The following MED14 variants were observed in gnomAD, a reference collection of about 807,000 sequenced individuals.
MED14 encodes the protein mediator of RNA polymerase II transcription subunit 14.
Under a neutral mutation model 109.0 loss-of-function variants are expected in MED14, and 8 were observed. The observed-to-expected ratio is 0.07, with a 90% CI of 0.04 to 0.13. The LOEUF (loss-of-function observed/expected upper bound fraction) is 0.13. MED14 is among the 10% of genes least tolerant of loss of function. The pLI, the probability that MED14 is intolerant of heterozygous loss-of-function variation, is 1.00. For missense variants in MED14, 711 were observed against 1,142.4 expected, an observed-to-expected ratio of 0.62 and a Z score of 5.44; for synonymous variants, 399 against 408.7, an observed-to-expected ratio of 0.98 and a Z score of 0.29.
rs147136594 is a variant in MED14 at position 40,717,158 on chromosome X, A to G, written c.349-2448T>C. Among the ~76,000 whole-genome samples, 450 of 111,635 alleles carry G rather than the reference A, an allele frequency of 4.0e-3. 5 individuals are homozygous for G. Among genetic ancestry groups the G allele is most frequent in the African/African-American group, 0.014 (432 of 30,686 alleles). ...GAAGAGAAGAACTGTAACATTCCCA[A>G]CACAAAGAAAAATGTCTGAGGTAAT... On this transcript the variant is annotated intron_variant, in intron 3 of 30. Transcript: ENST00000324817.
At chrX:40,726,896 G>T in intron 2 of MED14, 45 bp from the exon 3 acceptor site, 1 of 995,197 alleles carries the variant, frequency 1.0e-6, no homozygotes, top group Non-Finnish European at 1.4e-6. Flanking sequence ...ATTAGAAACA[G>T]TATTTCACAA....
rs745476269 is a variant in MED14, at chrX:40,650,764, T to C, written c.*1042A>G. The C allele has an allele frequency of 1.5e-5, 11 of 753,746 alleles. No individual in the cohort carries two copies. Among genetic ancestry groups the C allele is most frequent in the East Asian group, 1.5e-4 (1 of 6,675 alleles). 62.1% of individuals were successfully genotyped at this position (753,746 alleles called of 1,213,427 possible). The stretch of plus-strand genomic sequence containing the variant: ...ATCGTTTTGTTGACAATGAATTAAA[T>C]TGAAATTGTTTAGAACAATCCCAAT... On this transcript the variant is annotated 3_prime_UTR_variant, in exon 31 of 31. Coordinates refer to ENST00000324817, the MANE Select transcript of MED14 (RefSeq NM_004229.4).
intron 3 of MED14, among the ~76,000 whole-genome samples, chrX:40,723,351 T>C (rs1009655963): frequency 8.9e-6 from 1 of 111,791 alleles, no homozygotes; most frequent in Admixed American, 9.5e-5. Context: ...TTTGCAAGCC[T>C]CATAGTAACC....
At chrX:40,705,809 A>G (rs1339359391) in intron 10 of MED14, among the ~76,000 whole-genome samples, 1 of 111,732 alleles carries the variant, frequency 8.9e-6, no homozygotes, top group African/African-American at 3.3e-5. Context: ...TGCCCTGATT[A>G]TAAGTGCTGA....
chrX:40,683,305 C>T (rs1324205631), intron 16 of MED14, among the ~76,000 whole-genome samples: 1 of 111,679 alleles, frequency 9.0e-6, no homozygotes, highest in Non-Finnish European at 1.9e-5. Context: ...TCTAGAACAT[C>T]CTCAAGGAAA....
At chrX:40,681,412 A>G (rs1218979886) in intron 19 of MED14, among the ~76,000 whole-genome samples, 1 of 107,663 alleles carries the variant, frequency 9.3e-6, no homozygotes, top group Non-Finnish European at 1.9e-5. Context: ...ATGAGGTGGG[A>G]AAAAAAATAA....
At chrX:40,699,967 G>C (rs1205695463) in intron 12 of MED14, among the ~76,000 whole-genome samples, 8 of 110,600 alleles carry the variant, frequency 7.2e-5, no homozygotes, top group African/African-American at 2.6e-4. Context: ...GGCAAACAAG[G>C]TGAAACTCCG....
chrX:40,678,027 G>A (rs1929971191), intron 21 of MED14, among the ~76,000 whole-genome samples: 1 of 110,970 alleles, frequency 9.0e-6, no homozygotes, highest in Non-Finnish European at 1.9e-5. Context: ...AGGCATATGT[G>A]ATTTCAAATT....
At chrX:40,686,943 GC>G (rs979463095) in intron 16 of MED14, among the ~76,000 whole-genome samples, 4 of 96,528 alleles carry the variant, frequency 4.1e-5, no homozygotes, top group African/African-American at 1.9e-4. Flanking sequence ...GCATCTTTTG[GC>G]TCCTCGTCCT....
At chrX:40,726,922 C>T in intron 2 of MED14, 71 bp from the exon 3 acceptor site, 1 of 844,832 alleles carries the variant, frequency 1.2e-6, no homozygotes, top group Non-Finnish European at 1.7e-6. Flanking sequence ...TTCAGCTAAG[C>T]AAAAATAAAT....
intron 23 of MED14, among the ~76,000 whole-genome samples, chrX:40,668,361 C>T (rs73624920): frequency 1.6e-4 from 13 of 79,774 alleles, no homozygotes; most frequent in South Asian, 7.1e-4. Flanking sequence ...CCAGCCTGTA[C>T]GACAGAGCAA....
Position 40,682,872 on chromosome X carries a change from T to C in MED14, c.2182A>G (p.Asn728Asp), listed in dbSNP as rs761462114. The change falls in exon 17 of 31, where the codon AAT (asparagine) becomes GAT (aspartate). Residue 728 changes from asparagine to aspartate, a missense_variant. Coordinates refer to ENST00000324817, the MANE Select transcript of MED14 (RefSeq NM_004229.4). ...GTAGAAGTGCCATTAAGTGGACAAT[T>C]TGCAAACACTAACTCTGCTACCCAA... ...RTWVAELVFA[N>D]CPLNGTSTRE... is the part of the protein sequence containing the mutation. The C allele has an allele frequency of 8.3e-7, 1 of 1,211,643 alleles. No individual in the cohort carries two copies. Among genetic ancestry groups the C allele is most frequent in the Non-Finnish European group, 1.1e-6 (1 of 895,322 alleles).
In MED14 at chrX:40,663,166, G is replaced by C. The variant is rs989632896; in HGVS notation, c.3449-6C>G. On this transcript the variant is annotated splice_polypyrimidine_tract_variant and splice_region_variant and intron_variant, in intron 25 of 30. Coordinates refer to ENST00000324817, the MANE Select transcript of MED14 (RefSeq NM_004229.4). ...TGTTGGCATTGTTTGAGAACCTTTTGGGAAGGAAAACATGTTATGTCATTT... is the reference window on the plus strand; with the variant it reads ...TGTTGGCATTGTTTGAGAACCTTTTCGGAAGGAAAACATGTTATGTCATTT... The C allele has an allele frequency of 9.4e-6, 11 of 1,168,868 alleles. No individual in the cohort carries two copies. In the Admixed American group the frequency reaches 2.4e-4, roughly 26 times the overall value.
At chrX:40,725,956 T>C (rs964457349) in intron 3 of MED14, among the ~76,000 whole-genome samples, 4 of 112,033 alleles carry the variant, frequency 3.6e-5, no homozygotes, top group Non-Finnish European at 7.5e-5. Flanking sequence ...CAAAAAACTA[T>C]TAGAACTGAT....
At position 40,654,922 on chromosome X, in the gene MED14, G is replaced by A; in HGVS notation, c.4098+13C>T. The A allele has an allele frequency of 8.3e-7, 1 of 1,204,258 alleles. No homozygotes were observed. The highest frequency in any genetic ancestry group is 1.1e-6 in the Non-Finnish European group (1 of 891,180). On this transcript the variant is annotated intron_variant, in intron 29 of 30. Transcript: ENST00000324817. The stretch of plus-strand genomic sequence containing the variant: ...GAAGCTCTGTACATGCACACATGCT[G>A]GGTGGTACTTACAAAAAATAGCATT...
rs1168655079 is a variant in MED14 at position 40,690,164 on chromosome X, G to A, written c.1981-1634C>T. ...TCCAAGAACACAGTCAATTACATAG[G>A]AAACATGGACACACTCCACAGTTTA... On this transcript the variant is annotated intron_variant, in intron 15 of 30. Coordinates refer to ENST00000324817, the MANE Select transcript of MED14 (RefSeq NM_004229.4). Among the ~76,000 whole-genome samples, 4 of 111,862 alleles carry A rather than the reference G, an allele frequency of 3.6e-5. No individual in the cohort carries two copies. In the East Asian group the frequency reaches 8.4e-4, roughly 24 times the overall value.
intron 21 of MED14, among the ~76,000 whole-genome samples, chrX:40,676,044 C>A (rs1343410801): frequency 8.9e-6 from 1 of 112,306 alleles, no homozygotes; most frequent in African/African-American, 3.2e-5. Flanking sequence ...CCTATAATCG[C>A]AGCACTTTGG....
chrX:40,687,412 CT>C (rs1206398733), intron 16 of MED14, among the ~76,000 whole-genome samples: 1 of 111,841 alleles, frequency 8.9e-6, no homozygotes, highest in Non-Finnish European at 1.9e-5. Flanking sequence ...TCAATTTATT[CT>C]CCATATTGCT....
chrX:40,687,961 T>A (rs1198141586), intron 16 of MED14, among the ~76,000 whole-genome samples: 6 of 111,937 alleles, frequency 5.4e-5, no homozygotes, highest in African/African-American at 2.0e-4. Flanking sequence ...ATGCCTGTAA[T>A]CCCAACACTT....
Sources: allele counts gnomAD v4.1 joint callset (sites outside exome capture counted in the v4.1 genomes callset), GRCh38; gene constraint gnomAD v4.1.1; transcripts MANE v1.5; gene names NCBI Gene and HGNC (gene_info 2026-07-23, HGNC 2026-07-21).